ATP11A: variants seen among roughly 807,000 people sequenced by gnomAD.
ATP11A encodes the protein ATPase phospholipid transporting 11A, also known as phospholipid-transporting ATPase IH.
In ATP11A, 81 loss-of-function variants were observed where a neutral mutation model predicts 154.4. The ratio of observed to expected loss-of-function variants is 0.52; its 90% CI spans 0.44 to 0.63. ATP11A has a LOEUF of 0.63. Among genes scored for constraint, ATP11A ranks in the 30% least tolerant of loss-of-function variants. The pLI is 0.00. For missense variants in ATP11A, 1,316 were observed against 1,474.3 expected (o/e 0.89, Z 1.76); for synonymous variants, 623 against 585.9 (o/e 1.06, Z -0.91).
At chr13:112,729,149 G>T (rs1890214558) in intron 1 of ATP11A, among the ~76,000 whole-genome samples, 1 of 152,208 alleles carries the variant, frequency 6.6e-6, no homozygotes, top group South Asian at 2.1e-4. Context: ...AGAATTGGAA[G>T]ACATTTCTGT....
chr13:112,808,710 C>CT lies in ATP11A; in HGVS notation c.334-1908dup, dbSNP rs2078397723. On this transcript the variant is annotated intron_variant, in intron 4 of 29. Coordinates refer to ENST00000375645, the MANE Select transcript of ATP11A (RefSeq NM_015205.3). ...GTCCCCGCCTCTCTTTTCACACCAT[C>CT]TCCCCGCTGTCTCCGCTGGGCACTG... Among the ~76,000 whole-genome samples the CT allele has an allele frequency of 4.6e-5, 7 of 152,316 alleles. No homozygotes were observed. The South Asian group carries it at 1.4e-3, about 32-fold the overall frequency.
intron 1 of ATP11A, among the ~76,000 whole-genome samples, chr13:112,769,151 C>G (rs1798033351): frequency 2.0e-5 from 3 of 152,202 alleles, no homozygotes; most frequent in African/African-American, 7.2e-5. Flanking sequence ...TTCCAGGCTC[C>G]TACCCTTCCC....
intron 17 of ATP11A, among the ~76,000 whole-genome samples, chr13:112,849,795 G>A (rs75391133): frequency 0.017 from 2,588 of 152,338 alleles, 71 homozygotes; most frequent in African/African-American, 0.059. Context: ...AGGCAAACCC[G>A]TGAGCAGAAA....
intron 1 of ATP11A, among the ~76,000 whole-genome samples, chr13:112,749,823 G>C (rs1230773699): frequency 1.5e-5 from 2 of 136,240 alleles, no homozygotes; most frequent in East Asian, 4.5e-4. Flanking sequence ...AGCCTCTCGT[G>C]AATTTCTGTC....
chr13:112,842,179 A>C, intron 16 of ATP11A, 97 bp from the exon 17 acceptor site: 2 of 943,886 alleles, frequency 2.1e-6, no homozygotes, highest in South Asian at 3.0e-5. Flanking sequence ...CCACACTGCT[A>C]TCCCTGTTTT....
At position 112,863,678 on chromosome 13, in the gene ATP11A, C is replaced by T. The variant is rs1338722131; in HGVS notation, c.2991+1103C>T. ...TCCCAGCGGGATCCATCACCACCTG[C>T]GCAGTAATTCAGTGCAGGCCTGCGC... On this transcript the variant is annotated intron_variant, in intron 25 of 29. Transcript: ENST00000375645. 2.0e-3 allele frequency among the ~76,000 whole-genome samples: 268 copies of T among 136,256 alleles called. 2 individuals are homozygous for T. The highest frequency in any genetic ancestry group is 3.4e-3 in the Non-Finnish European group (218 of 63,820). 89.4% of individuals were successfully genotyped at this position (136,256 alleles called of 152,430 possible). A position where few individuals can be genotyped will look rare whatever the true frequency, so the allele number is the denominator to read the frequency against.
rs1166253291 is a variant in ATP11A, at chr13:112,862,587, G to A, written c.2991+12G>A. 1.2e-6 allele frequency: 2 copies of A among 1,614,064 alleles called. No individual in the cohort carries two copies. The highest frequency in any genetic ancestry group is 1.7e-6 in the Non-Finnish European group (2 of 1,179,946). ...CAAGCAACGGGCAGGTCAGTACAGA[G>A]CTCGATTGCGCTGACTTAGCTGCTT... On this transcript the variant is annotated intron_variant, in intron 25 of 29. Transcript: ENST00000375645.
rs1000608654 is a variant in ATP11A, at chr13:112,691,590, C to T, written c.39+1135C>T. 3.3e-5 allele frequency among the ~76,000 whole-genome samples: 5 copies of T among 151,752 alleles called. No individual in the cohort carries two copies. The South Asian group carries it at 6.3e-4, about 19-fold the overall frequency. On this transcript the variant is annotated intron_variant, in intron 1 of 29. Transcript: ENST00000375645. ...GGCTTCATTGTTCCATAGAGGCTGGCGGTCACTGGTCAATCACAGGTTCGA... is the reference window on the plus strand; with the variant it reads ...GGCTTCATTGTTCCATAGAGGCTGGTGGTCACTGGTCAATCACAGGTTCGA...
chr13:112,799,291 A>G (rs1211057370), intron 2 of ATP11A, among the ~76,000 whole-genome samples: 1 of 152,200 alleles, frequency 6.6e-6, no homozygotes, highest in East Asian at 1.9e-4. Flanking sequence ...CTTGGATCTA[A>G]TGGACCTTTA....
chr13:112,758,568 C>T (rs1398660311), intron 1 of ATP11A, among the ~76,000 whole-genome samples: 3 of 151,858 alleles, frequency 2.0e-5, no homozygotes, highest in East Asian at 1.9e-4. Context: ...GGACTACAGG[C>T]GCCCGCCACC....
At chr13:112,783,181 A>T (rs2077541050) in intron 1 of ATP11A, among the ~76,000 whole-genome samples, 1 of 152,210 alleles carries the variant, frequency 6.6e-6, no homozygotes, top group Non-Finnish European at 1.5e-5. Context: ...AGAGGTTGGT[A>T]GGGGAGCAGA....
At chr13:112,703,803 T>C (rs1031673141) in intron 1 of ATP11A, among the ~76,000 whole-genome samples, 1 of 152,064 alleles carries the variant, frequency 6.6e-6, no homozygotes, top group African/African-American at 2.4e-5. Flanking sequence ...CTATAACATA[T>C]TGTTTTGGTG....
At chr13:112,865,130 AC>A in intron 25 of ATP11A, among the ~76,000 whole-genome samples, 1 of 92,618 alleles carries the variant, frequency 1.1e-5, no homozygotes, top group Non-Finnish European at 2.2e-5. Context: ...GGGGTCCATC[AC>A]CACCTGCGCA....
At chr13:112,749,115 G>A (rs2076628770) in intron 1 of ATP11A, among the ~76,000 whole-genome samples, 1 of 152,346 alleles carries the variant, frequency 6.6e-6, no homozygotes, top group East Asian at 1.9e-4. Context: ...CGGCCTCCCT[G>A]GCGTGCCACA....
chr13:112,748,904 G>A (rs1008434663), intron 1 of ATP11A, among the ~76,000 whole-genome samples: 2 of 152,204 alleles, frequency 1.3e-5, no homozygotes, highest in African/African-American at 2.4e-5. Flanking sequence ...CTTAACACTC[G>A]CGTTTGTTAA....
At chr13:112,709,582 C>G (rs893231325) in intron 1 of ATP11A, among the ~76,000 whole-genome samples, 2 of 152,156 alleles carry the variant, frequency 1.3e-5, no homozygotes, top group Non-Finnish European at 2.9e-5. Context: ...TTAACCTGAA[C>G]ATTTCCTTTC....
chr13:112,722,939 C>G (rs1435098643), intron 1 of ATP11A, among the ~76,000 whole-genome samples: 1 of 152,020 alleles, frequency 6.6e-6, no homozygotes, highest in Non-Finnish European at 1.5e-5. Flanking sequence ...TTACTTTTTT[C>G]TTTTTAAGTA....
At chr13:112,841,600 C>T (rs1273878651) in intron 16 of ATP11A, among the ~76,000 whole-genome samples, 2 of 151,826 alleles carry the variant, frequency 1.3e-5, no homozygotes, top group Non-Finnish European at 2.9e-5. Flanking sequence ...AGCCACCTGG[C>T]AGAGTGCCAC....
At chr13:112,880,928 C>T (rs2080867042) in intron 29 of ATP11A, 2 of 993,652 alleles carry the variant, frequency 2.0e-6, no homozygotes, top group Non-Finnish European at 2.4e-6. Flanking sequence ...GACACAGGCT[C>T]ACGATCCTGG....
Sources: allele counts gnomAD v4.1 joint callset (sites outside exome capture counted in the v4.1 genomes callset), GRCh38; gene constraint gnomAD v4.1.1; transcripts MANE v1.5; gene names NCBI Gene and HGNC (gene_info 2026-07-23, HGNC 2026-07-21).